The following DISC1 variants were observed in gnomAD, a reference collection of about 807,000 sequenced individuals.
DISC1 encodes disrupted in schizophrenia 1 protein.
Under a neutral mutation model 84.5 loss-of-function variants are expected in DISC1, and 57 were observed. That is an observed-to-expected ratio of 0.67 (90% CI 0.55 to 0.84). The LOEUF is 0.84. Among genes scored for constraint, DISC1 ranks in the 40% least tolerant of loss-of-function variants. The pLI is 0.00. For synonymous variants in DISC1, 411 were observed against 415.2 expected (o/e 0.99, Z 0.12); for missense variants, 1,000 against 1,057.8 (o/e 0.95, Z 0.76).
intron 3 of DISC1, among the ~76,000 whole-genome samples, chr1:231,736,990 G>A (rs1347018069): frequency 1.3e-5 from 2 of 152,214 alleles, no homozygotes; most frequent in Non-Finnish European, 2.9e-5. Context: ...CATAGATATA[G>A]AAAGCACTTT....
At chr1:231,820,524 C>T (rs541577442) in intron 9 of DISC1, among the ~76,000 whole-genome samples, 4 of 152,236 alleles carry the variant, frequency 2.6e-5, no homozygotes, top group African/African-American at 9.6e-5. Context: ...TGATTTCCAA[C>T]AATAGTTGTG....
Position 231,920,821 on chromosome 1 carries a change from G to A in DISC1, c.1982-38007G>A, listed in dbSNP as rs1001756291. Among the ~76,000 whole-genome samples the A allele has an allele frequency of 9.9e-5, 15 of 151,426 alleles. No individual in the cohort carries two copies. The South Asian group carries it at 1.7e-3, about 17-fold the overall frequency. On this transcript the variant is annotated intron_variant, in intron 9 of 12. Coordinates refer to ENST00000439617, the MANE Select transcript of DISC1 (RefSeq NM_018662.3). ...AAAAATTATTCATTGTTTATCTGATGTTCAAGTTAACTGGGCAAGTTGTGT... is the reference window on the plus strand; with the variant it reads ...AAAAATTATTCATTGTTTATCTGATATTCAAGTTAACTGGGCAAGTTGTGT...
At position 231,815,386 on chromosome 1, in the gene DISC1, G is replaced by T. The variant is rs375759252; in HGVS notation, c.1793-2943G>T. Among the ~76,000 whole-genome samples, 214 of 152,104 alleles carry T rather than the reference G, an allele frequency of 1.4e-3. 1 individual carries two copies. The highest frequency in any genetic ancestry group is 4.8e-3 in the African/African-American group (198 of 41,488). On this transcript the variant is annotated intron_variant, in intron 8 of 12. Coordinates refer to ENST00000439617, the MANE Select transcript of DISC1 (RefSeq NM_018662.3). Reference sequence around the variant, plus strand: ...ATATCTTCTACCATGGATTAATTTTGGCTGTTCTAGAACTTAATGGAATCA... The same window carrying T: ...ATATCTTCTACCATGGATTAATTTTTGCTGTTCTAGAACTTAATGGAATCA...
Position 231,673,517 on chromosome 1 carries a change from A to G in DISC1, c.68-20309A>G, listed in dbSNP as rs6704471. 1.8e-3 allele frequency among the ~76,000 whole-genome samples: 272 copies of G among 152,162 alleles called. 1 individual carries two copies. The highest frequency in any genetic ancestry group is 6.3e-3 in the African/African-American group (263 of 41,504). ...TTTCTTCTTGGCTATTTTTAACTCT[A>G]GTTTGACCTGGTCACTTTCTCCAGA... On this transcript the variant is annotated intron_variant, in intron 1 of 12. Coordinates refer to ENST00000439617, the MANE Select transcript of DISC1 (RefSeq NM_018662.3).
At chr1:231,669,974 A>T (rs535888717) in intron 1 of DISC1, among the ~76,000 whole-genome samples, 1 of 152,334 alleles carries the variant, frequency 6.6e-6, no homozygotes, top group African/African-American at 2.4e-5. Context: ...ATCAATCTAA[A>T]TGCCAATCAA....
intron 9 of DISC1, among the ~76,000 whole-genome samples, chr1:231,888,308 A>T (rs200843082): frequency 5.3e-5 from 8 of 152,104 alleles, no homozygotes; most frequent in Non-Finnish European, 8.8e-5. Context: ...TGTTTGCATG[A>T]TCAGCAGATA....
intron 10 of DISC1, among the ~76,000 whole-genome samples, chr1:231,985,554 A>G (rs906531119): frequency 6.6e-6 from 1 of 152,198 alleles, no homozygotes; most frequent in Non-Finnish European, 1.5e-5. Context: ...AAAGTGTGTC[A>G]TGACATATTT....
intron 9 of DISC1, among the ~76,000 whole-genome samples, chr1:231,847,140 A>G (rs1156477343): frequency 6.6e-6 from 1 of 152,106 alleles, no homozygotes; most frequent in Non-Finnish European, 1.5e-5. Context: ...TCAAGGTGTC[A>G]GCACAAATGG....
At chr1:231,718,226 C>T (rs1053788832) in intron 3 of DISC1, among the ~76,000 whole-genome samples, 1 of 152,192 alleles carries the variant, frequency 6.6e-6, no homozygotes, top group African/African-American at 2.4e-5. Flanking sequence ...CCTTCAATCC[C>T]TTTCCAATCA....
chr1:231,795,235 C>A lies in DISC1; in HGVS notation c.1635-7C>A, dbSNP rs1267424323. ...GAAGACCAATCTCCTCTTTTTAATT[C>A]TTCCAGCCTCCAGGAAAGAATAAAA... On this transcript the variant is annotated splice_region_variant and splice_polypyrimidine_tract_variant and intron_variant, in intron 6 of 12. Transcript: ENST00000439617. 1 of 1,613,492 alleles carries A rather than the reference C, an allele frequency of 6.2e-7. No homozygotes were observed.
At chr1:231,820,526 A>G (rs1274173464) in intron 9 of DISC1, among the ~76,000 whole-genome samples, 1 of 152,196 alleles carries the variant, frequency 6.6e-6, no homozygotes, top group African/African-American at 2.4e-5. Context: ...ATTTCCAACA[A>G]TAGTTGTGGA....
intron 9 of DISC1, among the ~76,000 whole-genome samples, chr1:231,908,074 A>C (rs1352946260): frequency 1.3e-5 from 2 of 152,174 alleles, no homozygotes; most frequent in Admixed American, 6.5e-5. Context: ...TCTGGATATT[A>C]GCCTTTTGTC....
At chr1:231,839,697 T>G (rs1257823229) in intron 9 of DISC1, among the ~76,000 whole-genome samples, 2 of 152,198 alleles carry the variant, frequency 1.3e-5, no homozygotes, top group African/African-American at 4.8e-5. Context: ...AGAAAATAAG[T>G]TTATTTGGCT....
intron 9 of DISC1, among the ~76,000 whole-genome samples, chr1:231,952,879 C>T (rs1658736079): frequency 1.3e-5 from 2 of 152,090 alleles, no homozygotes; most frequent in East Asian, 3.9e-4. Context: ...TACAGCACAG[C>T]CTTTGGCCTC....
At chr1:231,730,986 T>TA (rs954113046) in intron 3 of DISC1, among the ~76,000 whole-genome samples, 187 of 146,830 alleles carry the variant, frequency 1.3e-3, no homozygotes, top group African/African-American at 1.9e-3. Context: ...TTTAAATGGC[T>TA]AAAAAAAAAA....
chr1:231,990,580 C>G (rs1665073814), intron 10 of DISC1, among the ~76,000 whole-genome samples: 1 of 152,168 alleles, frequency 6.6e-6, no homozygotes, highest in Non-Finnish European at 1.5e-5. Flanking sequence ...CCTGTGAGGT[C>G]AGACAAAGCC....
chr1:231,763,637 C>T (rs2075952364), intron 4 of DISC1, among the ~76,000 whole-genome samples: 1 of 152,204 alleles, frequency 6.6e-6, no homozygotes, highest in African/African-American at 2.4e-5. Flanking sequence ...CTTCATTGCA[C>T]CATGGTTGGT....
chr1:231,775,471 A>C (rs2076895121), intron 6 of DISC1, among the ~76,000 whole-genome samples: 1 of 152,230 alleles, frequency 6.6e-6, no homozygotes, highest in South Asian at 2.1e-4. Flanking sequence ...ACAGAAATCA[A>C]AGAAGCCATT....
At chr1:232,022,152 G>A (rs1669019863) in intron 11 of DISC1, among the ~76,000 whole-genome samples, 2 of 152,122 alleles carry the variant, frequency 1.3e-5, no homozygotes, top group Non-Finnish European at 2.9e-5. Context: ...TTTGATGGTG[G>A]AGAGGCAATA....
Sources: gnomAD v4.1 joint callset for allele counts (sites outside exome capture counted in the v4.1 genomes callset) on GRCh38, gnomAD v4.1.1 for gene constraint, MANE v1.5 for transcripts, NCBI Gene and HGNC (gene_info 2026-07-23, HGNC 2026-07-21) for gene names.